Variants in MAPK8IP2 observed in about 807,000 individuals in gnomAD.
MAPK8IP2 encodes the protein C-Jun-amino-terminal kinase-interacting protein 2.
A neutral mutation model predicts 75.6 loss-of-function variants in MAPK8IP2; 15 were observed. The observed-to-expected ratio is 0.20, with a 90% CI of 0.13 to 0.31. MAPK8IP2 has a LOEUF of 0.31. Ranked by LOEUF, MAPK8IP2 falls within the 10% of genes least tolerant of loss-of-function variation. MAPK8IP2 has a pLI of 1.00. For synonymous variants in MAPK8IP2, 632 were observed against 554.5 expected (o/e 1.14, Z -1.96); for missense variants, 1,089 against 1,211.2 (o/e 0.90, Z 1.50).
At position 50,604,407 on chromosome 22, in the gene MAPK8IP2, G is replaced by A. The variant is rs981605828; in HGVS notation, c.1108G>A (p.Gly370Ser). The change falls in exon 5 of 12, where the codon GGC becomes AGC. Residue 370 changes from glycine to serine, a missense_variant. This residue lies in a region of MAPK8IP2 where 960 missense variants were observed against 1,009.6 expected (regional missense o/e 0.95). Coordinates refer to ENST00000329492, the MANE Select transcript of MAPK8IP2 (RefSeq NM_012324.6). ...GGGCTCCTCGCCCATCCGCTGCCCC[G>A]GCCAGTGCCTGTCTCCTGCGCCGCG... ...SEGSSPIRCP[G>S]QCLSPAPRPP... 2.0e-6 allele frequency: 3 copies of A among 1,513,544 alleles called. No individual in the cohort carries two copies. Among genetic ancestry groups the A allele is most frequent in the African/African-American group, 2.9e-5 (2 of 70,080 alleles). The allele number at this position is 1,513,544 out of a possible 1,614,324, so 93.8% of individuals were successfully genotyped here.
intron 8 of MAPK8IP2, 103 bp from the exon 9 acceptor site, chr22:50,606,555 C>G (rs1319774989): frequency 3.6e-6 from 3 of 843,714 alleles, no homozygotes; most frequent in Middle Eastern, 2.2e-4. Context: ...CATGTGTGTC[C>G]TCAAACATAA....
chr22:50,604,158 A>G lies in MAPK8IP2; in HGVS notation c.859A>G (p.Ser287Gly). Residue 287 changes from serine to glycine, a missense_variant, in exon 5 of 12, where the codon AGC becomes GGC. Coordinates refer to ENST00000329492, the MANE Select transcript of MAPK8IP2 (RefSeq NM_012324.6). ...GAGCAGCGATGGCGGAAGCAGCAGCAGCGGCCGCTCCTCGCACCTCACCAA... is the reference window on the plus strand; with the variant it reads ...GAGCAGCGATGGCGGAAGCAGCAGCGGCGGCCGCTCCTCGCACCTCACCAA... Reference protein sequence around the residue: ...ELSSDGGSSSSGRSSHLTNSI... With the variant: ...ELSSDGGSSSGGRSSHLTNSI... 2 of 1,552,228 alleles carry G rather than the reference A, an allele frequency of 1.3e-6. No homozygotes were observed. The highest frequency in any genetic ancestry group is 1.9e-5 in the Admixed American group (1 of 53,248).
At position 50,605,532 on chromosome 22, in the gene MAPK8IP2, C is replaced by A. The variant is rs369369313; in HGVS notation, c.1842-30C>A. ...TGGACACGACCGTCAATCCCGCCCC[C>A]CTCCCCAGTGACCTCTCCCCCAACG... On this transcript the variant is annotated intron_variant, in intron 6 of 11. Transcript: ENST00000329492. 5.6e-6 allele frequency: 6 copies of A among 1,065,768 alleles called. No homozygotes were observed. The South Asian group carries it at 7.6e-5, about 14-fold the overall frequency. The allele number at this position is 1,065,768 out of a possible 1,614,324, so 66.0% of individuals were successfully genotyped here. A position where few individuals can be genotyped will look rare whatever the true frequency, so the allele number is the denominator to read the frequency against.
chr22:50,601,981 G>T (rs989866100), intron 2 of MAPK8IP2, 87 bp downstream of exon 2: 2 of 1,119,614 alleles, frequency 1.8e-6, no homozygotes, highest in African/African-American at 3.0e-5. Flanking sequence ...TTTAGGGTGG[G>T]TGTGAGCTCA....
intron 1 of MAPK8IP2, chr22:50,601,473 GCTC>G: frequency 6.9e-6 from 2 of 290,858 alleles, no homozygotes; most frequent in South Asian, 1.0e-4. Flanking sequence ...CCCCTCCCCT[GCTC>G]TGCAAGACCC....
Position 50,608,503 on chromosome 22 carries a change from C to T in MAPK8IP2, c.2303+1512C>T, listed in dbSNP as rs1211338439. ...GGAGAGGTGGGACAGCGGGCAGGGG[C>T]GCAGACCAGACAGCGGGGCCAGCTC... On this transcript the variant is annotated intron_variant, in intron 10 of 11. Transcript: ENST00000329492. Among the ~76,000 whole-genome samples the T allele has an allele frequency of 1.4e-4, 14 of 100,490 alleles. No homozygotes were observed. The South Asian group carries it at 2.8e-3, about 20-fold the overall frequency. The allele number at this position is 100,490 out of a possible 152,430, so 65.9% of individuals were successfully genotyped here.
intron 1 of MAPK8IP2, chr22:50,601,462 C>T (rs2070936238): frequency 3.8e-6 from 1 of 266,418 alleles, no homozygotes; most frequent in Admixed American, 4.5e-5. Flanking sequence ...CGTTGCAGCT[C>T]CCCCTCCCCT....
At chr22:50,609,849 G>A (rs765271865) in intron 10 of MAPK8IP2, 5 of 519,168 alleles carry the variant, frequency 9.6e-6, no homozygotes, top group South Asian at 4.3e-5. Context: ...CGCAGGAGGA[G>A]GCCTGAGTTG....
At position 50,607,275 on chromosome 22, in the gene MAPK8IP2, G is replaced by C. The variant is rs747670311; in HGVS notation, c.2303+284G>C. On this transcript the variant is annotated intron_variant, in intron 10 of 11. Coordinates refer to ENST00000329492, the MANE Select transcript of MAPK8IP2 (RefSeq NM_012324.6). This position sits in a 1 kb window ranked among gnomAD's most constrained non-coding sequence, Gnocchi z 5.6. ...GTGCAGAGGACGCCTGAGTGGGCCT[G>C]GGGCTCAGGATGGCCAGCCTGGAAA... Among the ~76,000 whole-genome samples the C allele has an allele frequency of 6.6e-6, 1 of 152,192 alleles. No homozygotes were observed. Among genetic ancestry groups the C allele is most frequent in the Non-Finnish European group, 1.5e-5 (1 of 68,026 alleles).
At position 50,604,469 on chromosome 22, in the gene MAPK8IP2, C is replaced by G; in HGVS notation, c.1170C>G (p.Ala390=). 1 of 1,353,288 alleles carries G rather than the reference C, an allele frequency of 7.4e-7. No individual in the cohort carries two copies. The highest frequency in any genetic ancestry group is 9.5e-7 in the Non-Finnish European group (1 of 1,058,006). The allele number at this position is 1,353,288 out of a possible 1,614,324, so 83.8% of individuals were successfully genotyped here. ...AGCCCGTGTCGCCGGCCGGCGGGGC[C>G]GCCCAGGACTCCCAGGACCCCGAGG... ...PGEPVSPAGG[A]AQDSQDPEAA... The change falls in exon 5 of 12, where the codon GCC becomes GCG. Residue 390 remains alanine, a synonymous_variant. Coordinates refer to ENST00000329492, the MANE Select transcript of MAPK8IP2 (RefSeq NM_012324.6).
intron 1 of MAPK8IP2, 77 bp downstream of exon 1, chr22:50,600,960 C>A (rs1243023238): frequency 2.2e-6 from 1 of 444,490 alleles, no homozygotes; most frequent in Non-Finnish European, 3.1e-6. Context: ...GGCCCGGACC[C>A]CCGTCCCCGC....
In MAPK8IP2 at chr22:50,604,586, C is replaced by A. The variant is rs776969266; in HGVS notation, c.1287C>A (p.Pro429=). ...PPAPAAPRPG[P]AQPGPCLFLS... is the part of the protein sequence containing the mutation. Reference sequence around the variant, plus strand: ...CGCCCGCCGCGCCTCGACCCGGCCCCGCGCAGCCCGGGCCCTGCCTATTCC... The same window carrying A: ...CGCCCGCCGCGCCTCGACCCGGCCCAGCGCAGCCCGGGCCCTGCCTATTCC... The change falls in exon 5 of 12, where the codon CCC becomes CCA. Residue 429 remains proline (P), a synonymous_variant. Coordinates refer to ENST00000329492, the MANE Select transcript of MAPK8IP2 (RefSeq NM_012324.6). 2.1e-5 allele frequency: 29 copies of A among 1,371,480 alleles called. No individual in the cohort carries two copies. Among genetic ancestry groups the A allele is most frequent in the South Asian group, 1.1e-4 (7 of 61,522 alleles). 85.0% of individuals were successfully genotyped at this position (1,371,480 alleles called of 1,614,324 possible).
Position 50,610,437 on chromosome 22 carries a change from G to A in MAPK8IP2, c.2402+127G>A, listed in dbSNP as rs573981561. 1 of 845,322 alleles carries A rather than the reference G, an allele frequency of 1.2e-6. No individual in the cohort carries two copies. The highest frequency in any genetic ancestry group is 2.7e-5 in the East Asian group (1 of 37,600). The allele number at this position is 845,322 out of a possible 1,614,324, so 52.4% of individuals were successfully genotyped here. On this transcript the variant is annotated intron_variant, in intron 11 of 11. Coordinates refer to ENST00000329492, the MANE Select transcript of MAPK8IP2 (RefSeq NM_012324.6). This position sits in a 1 kb window ranked among gnomAD's most constrained non-coding sequence, Gnocchi z 4.3. The stretch of plus-strand genomic sequence containing the variant: ...GGGGAAGGAGAACCAGATGTGCTGT[G>A]TAGAGAGGGCAGTGGTGGGTGACAG...
rs1199937224 is a variant in MAPK8IP2, at chr22:50,606,739, C to T, written c.2206C>T (p.Leu736=). The T allele has an allele frequency of 1.3e-6, 2 of 1,585,742 alleles. No individual in the cohort carries two copies. Among genetic ancestry groups the T allele is most frequent in the East Asian group, 4.6e-5 (2 of 43,416 alleles). ...CGAGATCTCTCTTCGGGGGGTCAAG[C>T]TGAGTCTGAGCGGAGGAGGGCCCGA... ...DLEISLRGVK[L]SLSGGGPEFQ... Residue 736 remains leucine (L), a synonymous_variant, in exon 9 of 12, where the codon CTG becomes TTG. Transcript: ENST00000329492.
chr22:50,605,478 C>T, intron 6 of MAPK8IP2, 35 bp downstream of exon 6: 1 of 1,612,110 alleles, frequency 6.2e-7, no homozygotes, highest in Non-Finnish European at 8.5e-7. Flanking sequence ...GTGGCCCCAG[C>T]CTCAGTCCCT....
At chr22:50,608,338 G>A (rs542121663) in intron 10 of MAPK8IP2, among the ~76,000 whole-genome samples, 153 of 149,332 alleles carry the variant, frequency 1.0e-3, no homozygotes, top group African/African-American at 3.7e-3. Context: ...GGGCAGGGGC[G>A]CAGACCAGAC....
rs1187665500 is a variant in MAPK8IP2 at position 50,610,550 on chromosome 22, T to G, written c.2403-157T>G. Among the ~76,000 whole-genome samples the G allele has an allele frequency of 6.6e-6, 1 of 151,260 alleles. No homozygotes were observed. The highest frequency in any genetic ancestry group is 1.5e-5 in the Non-Finnish European group (1 of 67,886). On this transcript the variant is annotated intron_variant, in intron 11 of 11. Coordinates refer to ENST00000329492, the MANE Select transcript of MAPK8IP2 (RefSeq NM_012324.6). The surrounding 1 kb of genome is among the most constrained non-coding windows in gnomAD (Gnocchi z 4.3). Reference sequence around the variant, plus strand: ...GGTAGAATTGCTGGGCCAGGAGAGCTGAGGGTCACACTTGGGGGTGACATG... The same window carrying G: ...GGTAGAATTGCTGGGCCAGGAGAGCGGAGGGTCACACTTGGGGGTGACATG...
chr22:50,604,769 G>C lies in MAPK8IP2; in HGVS notation c.1470G>C (p.Gly490=). 6 of 1,544,758 alleles carry C rather than the reference G, an allele frequency of 3.9e-6. No individual in the cohort carries two copies. Among genetic ancestry groups the C allele is most frequent in the Non-Finnish European group, 5.2e-6 (6 of 1,145,668 alleles). ...CCGAGGACAGTGCGGGGTCCCCCGGGGGCAGGGGCACGGGCCCCTCGGCGC... is the reference window on the plus strand; with the variant it reads ...CCGAGGACAGTGCGGGGTCCCCCGGCGGCAGGGGCACGGGCCCCTCGGCGC... ...EDAEDSAGSP[G]GRGTGPSAPR... Residue 490 remains glycine (G), a synonymous_variant, in exon 5 of 12, where the codon GGG becomes GGC. Coordinates refer to ENST00000329492, the MANE Select transcript of MAPK8IP2 (RefSeq NM_012324.6).
intron 1 of MAPK8IP2, 86 bp from the exon 2 acceptor site, chr22:50,601,703 G>A (rs2070941197): frequency 4.2e-6 from 4 of 951,806 alleles, no homozygotes; most frequent in Middle Eastern, 3.1e-4. Context: ...TGTAGGAGCT[G>A]ACGCCTCCCT....
Sources: allele counts gnomAD v4.1 joint callset (sites outside exome capture counted in the v4.1 genomes callset), GRCh38; gene constraint gnomAD v4.1.1; regional missense constraint gnomAD v4.1.1; non-coding constraint Gnocchi (gnomAD v3.1); transcripts MANE v1.5; gene names NCBI Gene and HGNC (gene_info 2026-07-23, HGNC 2026-07-21).